SGPL1: variants seen among roughly 807,000 people sequenced by gnomAD.
SGPL1 encodes the protein SP-lyase 1.
In SGPL1, 37 loss-of-function variants were observed where a neutral mutation model predicts 68.9. The ratio of observed to expected loss-of-function variants is 0.54; its 90% CI spans 0.41 to 0.71. SGPL1 has a LOEUF of 0.71. Ranked by LOEUF, SGPL1 falls within the 30% of genes least tolerant of loss-of-function variation. The probability of loss-of-function intolerance (pLI) is 0.00; values close to 1 mark genes in which losing one functional copy is unlikely to be tolerated. For missense variants in SGPL1, 551 were observed against 704.6 expected, an observed-to-expected ratio of 0.78 and a Z score of 2.47; for synonymous variants, 236 against 248.5, an observed-to-expected ratio of 0.95 and a Z score of 0.47.
chr10:70,840,810 C>G (rs920329972), intron 2 of SGPL1, among the ~76,000 whole-genome samples: 2 of 152,220 alleles, frequency 1.3e-5, no homozygotes, highest in Non-Finnish European at 2.9e-5. Flanking sequence ...GTCTTTATAT[C>G]TTAATTTTAA....
At chr10:70,875,862 T>G (rs562435764) in intron 13 of SGPL1, among the ~76,000 whole-genome samples, 3 of 152,342 alleles carry the variant, frequency 2.0e-5, no homozygotes, top group African/African-American at 7.2e-5. Context: ...TCTTATAAAA[T>G]ACTTGTTACC....
At chr10:70,862,954 C>G (rs1046114844) in intron 7 of SGPL1, among the ~76,000 whole-genome samples, 1 of 152,172 alleles carries the variant, frequency 6.6e-6, no homozygotes, top group Non-Finnish European at 1.5e-5. Context: ...TAATTTCATT[C>G]TAAAGAATTC....
intron 7 of SGPL1, chr10:70,866,687 TG>T (rs1846194903): frequency 6.6e-6 from 1 of 152,242 alleles, no homozygotes; most frequent in Non-Finnish European, 1.5e-5. Flanking sequence ...GCTGCTGATT[TG>T]CAGAGCTGAC....
rs1449640489 is a variant in SGPL1 at position 70,880,510 on chromosome 10, T to A, written c.*3175T>A. On this transcript the variant is annotated 3_prime_UTR_variant, in exon 15 of 15. Transcript: ENST00000373202. ...GGGTGGTCTCTAGCCATCTGGGCAGTGTGGTTCTGTCTAACCAAAGGGCAT... is the reference window on the plus strand; with the variant it reads ...GGGTGGTCTCTAGCCATCTGGGCAGAGTGGTTCTGTCTAACCAAAGGGCAT... 3.9e-5 allele frequency: 6 copies of A among 152,214 alleles called. No homozygotes were observed. The highest frequency in any genetic ancestry group is 1.4e-4 in the African/African-American group (6 of 41,448). The allele number at this position is 152,214 out of a possible 1,614,324, so 9.4% of individuals were successfully genotyped here.
intron 7 of SGPL1, chr10:70,860,568 G>A (rs1269393258): frequency 2.5e-6 from 1 of 400,786 alleles, no homozygotes; most frequent in East Asian, 7.2e-5. Flanking sequence ...GAGTACTGAG[G>A]TGAACAGGGT....
chr10:70,816,669 G>T (rs1845237246), intron 1 of SGPL1, 142 bp from the exon 2 acceptor site: 1 of 709,878 alleles, frequency 1.4e-6, no homozygotes, highest in Admixed American at 2.0e-5. Context: ...GGGGTGCTAG[G>T]GGTGGACTGT....
chr10:70,834,158 A>C lies in SGPL1; in HGVS notation c.28-10315A>C, dbSNP rs1421287056. Among the ~76,000 whole-genome samples the C allele has an allele frequency of 3.3e-5, 5 of 152,160 alleles. No homozygotes were observed. The East Asian group carries it at 9.6e-4, about 29-fold the overall frequency. On this transcript the variant is annotated intron_variant, in intron 2 of 14. Coordinates refer to ENST00000373202, the MANE Select transcript of SGPL1 (RefSeq NM_003901.4). Reference sequence around the variant, plus strand: ...AATAAAAGAAAAGGATGGGGAAGAGAATGGATTCTTAAGCAGTGTTGCCTG... The same window carrying C: ...AATAAAAGAAAAGGATGGGGAAGAGCATGGATTCTTAAGCAGTGTTGCCTG...
rs760956230 is a variant in SGPL1, at chr10:70,871,165, C to A, written c.909+19C>A. Reference sequence around the variant, plus strand: ...GGCCAAGGTATATGAGAGAAATGGGCTGCTAAGGCAGGCAAATGGATATTT... The same window carrying A: ...GGCCAAGGTATATGAGAGAAATGGGATGCTAAGGCAGGCAAATGGATATTT... On this transcript the variant is annotated intron_variant, in intron 10 of 14. Transcript: ENST00000373202. 6.7e-7 allele frequency: 1 copy of A among 1,499,580 alleles called. No individual in the cohort carries two copies. Among genetic ancestry groups the A allele is most frequent in the Non-Finnish European group, 9.2e-7 (1 of 1,089,822 alleles). 92.9% of individuals were successfully genotyped at this position (1,499,580 alleles called of 1,614,324 possible). A position where few individuals can be genotyped will look rare whatever the true frequency, so the allele number is the denominator to read the frequency against.
chr10:70,845,009 A>T (rs1488958027), intron 3 of SGPL1, among the ~76,000 whole-genome samples: 1 of 152,134 alleles, frequency 6.6e-6, no homozygotes, highest in African/African-American at 2.4e-5. Context: ...AAGTGCTGGG[A>T]TTACAAGCGT....
chr10:70,875,868 T>C (rs1203520551), intron 13 of SGPL1, among the ~76,000 whole-genome samples: 1 of 152,214 alleles, frequency 6.6e-6, no homozygotes, highest in Non-Finnish European at 1.5e-5. Context: ...AAAATACTTG[T>C]TACCTGGCTA....
At chr10:70,850,852 A>G (rs777264714) in intron 3 of SGPL1, among the ~76,000 whole-genome samples, 1 of 137,044 alleles carries the variant, frequency 7.3e-6, no homozygotes, top group African/African-American at 2.7e-5. Context: ...ACGTGTATGC[A>G]TAAGGAAACT....
intron 3 of SGPL1, among the ~76,000 whole-genome samples, chr10:70,850,723 A>G (rs2131895884): frequency 6.6e-6 from 1 of 152,350 alleles, no homozygotes; most frequent in East Asian, 1.9e-4. Context: ...ATGAATGAGG[A>G]TGCACTGATC....
In SGPL1 at chr10:70,823,575, A is replaced by G. The variant is rs1845380421; in HGVS notation, c.27+6695A>G. Among the ~76,000 whole-genome samples, 3 of 149,278 alleles carry G rather than the reference A, an allele frequency of 2.0e-5. 1 individual carries two copies. Among genetic ancestry groups the G allele is most frequent in the Admixed American group, 1.3e-4 (2 of 15,042 alleles). On this transcript the variant is annotated intron_variant, in intron 2 of 14. Coordinates refer to ENST00000373202, the MANE Select transcript of SGPL1 (RefSeq NM_003901.4). ...AACACTTTATATTGAAAAAAAAAAA[A>G]AAAAAAAGCTAATGGGATCTCATTT...
chr10:70,826,381 C>G (rs533898836), intron 2 of SGPL1, among the ~76,000 whole-genome samples: 3 of 152,294 alleles, frequency 2.0e-5, no homozygotes, highest in African/African-American at 7.2e-5. Flanking sequence ...ATTCCGCTAT[C>G]AGTAGTGCAT....
intron 7 of SGPL1, among the ~76,000 whole-genome samples, chr10:70,863,016 A>G (rs1267103031): frequency 1.3e-5 from 2 of 151,972 alleles, no homozygotes; most frequent in Non-Finnish European, 2.9e-5. Flanking sequence ...ACAGGGTGTC[A>G]CTCTGTTGCT....
Position 70,834,477 on chromosome 10 carries a change from A to T in SGPL1, c.28-9996A>T, listed in dbSNP as rs2131867234. Among the ~76,000 whole-genome samples the T allele has an allele frequency of 1.3e-5, 2 of 152,358 alleles. 1 individual carries two copies. Among genetic ancestry groups the T allele is most frequent in the South Asian group, 4.1e-4 (2 of 4,832 alleles). On this transcript the variant is annotated intron_variant, in intron 2 of 14. Transcript: ENST00000373202. ...GGTGGTCTCTAAGGTTCCTTCAGAC[A>T]GTAGCATTTTATGATTTTGAAGACA...
intron 2 of SGPL1, among the ~76,000 whole-genome samples, chr10:70,842,841 A>G (rs550405388): frequency 3.0e-4 from 46 of 152,132 alleles, no homozygotes; most frequent in Non-Finnish European, 6.3e-4. Context: ...GTGTTCACTC[A>G]TTTACTTGGG....
intron 7 of SGPL1, among the ~76,000 whole-genome samples, chr10:70,864,499 T>G (rs768139850): frequency 1.4e-4 from 21 of 152,242 alleles, no homozygotes; most frequent in Admixed American, 7.2e-4. Flanking sequence ...TAGTTCTGTA[T>G]GGATGCTACT....
Position 70,871,880 on chromosome 10 carries a change from T to G in SGPL1, c.953T>G (p.Leu318Arg). 2 of 1,614,156 alleles carry G rather than the reference T, an allele frequency of 1.2e-6. No homozygotes were observed. The highest frequency in any genetic ancestry group is 8.5e-7 in the Non-Finnish European group (1 of 1,180,022). ...YKIPLHVDAC[L>R]GGFLIVFMEK... ...ATACCCCTTCATGTCGACGCTTGTC[T>G]GGGAGGCTTCCTCATCGTCTTTATG... The change falls in exon 11 of 15, where the codon CTG (leucine) becomes CGG (arginine). Residue 318 changes from leucine (L) to arginine (R), a missense_variant. Coordinates refer to ENST00000373202, the MANE Select transcript of SGPL1 (RefSeq NM_003901.4).
Sources: allele counts gnomAD v4.1 joint callset (sites outside exome capture counted in the v4.1 genomes callset), GRCh38; gene constraint gnomAD v4.1.1; transcripts MANE v1.5; gene names NCBI Gene and HGNC (gene_info 2026-07-23, HGNC 2026-07-21).